The following MTMR6 variants were observed in gnomAD, a reference collection of about 807,000 sequenced individuals.
MTMR6 encodes the protein phosphatidylinositol-3,5-bisphosphate 3-phosphatase MTMR6.
Under a neutral mutation model 80.1 loss-of-function variants are expected in MTMR6, and 47 were observed. The ratio of observed to expected loss-of-function variants is 0.59; its 90% CI spans 0.46 to 0.75. The LOEUF is 0.75. Among genes scored for constraint, MTMR6 ranks in the 30% least tolerant of loss-of-function variants. The probability of loss-of-function intolerance (pLI) is 0.00; values close to 1 mark genes in which losing one functional copy is unlikely to be tolerated. For synonymous variants in MTMR6, 254 were observed against 253.0 expected (o/e 1.00, Z -0.04); for missense variants, 629 against 730.9 (o/e 0.86, Z 1.61).
intron 1 of MTMR6, 106 bp from the exon 2 acceptor site, chr13:25,274,293 A>T: frequency 1.6e-6 from 1 of 636,904 alleles, no homozygotes; most frequent in Non-Finnish European, 2.7e-6. Context: ...TTCCTCCTAA[A>T]ATCATAAGAG....
At chr13:25,261,399 T>C (rs1249201653) in intron 6 of MTMR6, among the ~76,000 whole-genome samples, 3 of 150,800 alleles carry the variant, frequency 2.0e-5, no homozygotes, top group Non-Finnish European at 3.0e-5. Flanking sequence ...ATAAGACTTA[T>C]ATACTAGCAA....
chr13:25,275,691 C>T (rs867102992), intron 1 of MTMR6, among the ~76,000 whole-genome samples: 1 of 151,804 alleles, frequency 6.6e-6, no homozygotes, highest in African/African-American at 2.4e-5. Flanking sequence ...GAAACCCCGT[C>T]TCTATCAAAA....
intron 2 of MTMR6, among the ~76,000 whole-genome samples, chr13:25,273,446 G>A (rs986815158): frequency 6.6e-6 from 1 of 151,416 alleles, no homozygotes; most frequent in African/African-American, 2.4e-5. Flanking sequence ...AAAACACTGT[G>A]GAATATACCA....
At chr13:25,284,443 A>T (rs1957917036) in intron 1 of MTMR6, among the ~76,000 whole-genome samples, 1 of 152,222 alleles carries the variant, frequency 6.6e-6, no homozygotes, top group African/African-American at 2.4e-5. Context: ...ATACAATTGT[A>T]CATATTATAA....
In MTMR6 at chr13:25,270,950, A is replaced by G. The variant is rs148144606; in HGVS notation, c.142-3009T>C. Among the ~76,000 whole-genome samples the G allele has an allele frequency of 6.1e-3, 931 of 152,264 alleles. 9 individuals carry two copies. The highest frequency in any genetic ancestry group is 0.021 in the African/African-American group (893 of 41,544). On this transcript the variant is annotated intron_variant, in intron 2 of 13. Transcript: ENST00000381801. ...ATGAGCAGCTATGATTTACGCCACT[A>G]CTATGTTTTACGCACAGATGTTTTT...
At chr13:25,270,962 G>A (rs564092276) in intron 2 of MTMR6, among the ~76,000 whole-genome samples, 3 of 152,144 alleles carry the variant, frequency 2.0e-5, no homozygotes, top group South Asian at 4.2e-4. Context: ...TATGTTTTAC[G>A]CACAGATGTT....
intron 1 of MTMR6, among the ~76,000 whole-genome samples, chr13:25,282,523 C>T (rs1440046713): frequency 6.6e-6 from 1 of 152,096 alleles, no homozygotes; most frequent in Non-Finnish European, 1.5e-5. Flanking sequence ...AGACTGTCAC[C>T]TTCCCATCTG....
chr13:25,287,290 A>G lies in MTMR6; in HGVS notation c.-43T>C. ...CGGCAGCCGGTCTCACAGGCGTACC[A>G]TACGGCTACAGAAACAGGGCGGTGA... On this transcript the variant is annotated 5_prime_UTR_variant, in exon 1 of 14. It removes an upstream start codon present in the reference 5' UTR. Coordinates refer to ENST00000381801, the MANE Select transcript of MTMR6 (RefSeq NM_004685.5). 1.3e-6 allele frequency: 2 copies of G among 1,574,972 alleles called. No individual in the cohort carries two copies. The highest frequency in any genetic ancestry group is 1.7e-6 in the Non-Finnish European group (2 of 1,163,764).
At chr13:25,252,968 TC>T (rs1957121920) in intron 11 of MTMR6, among the ~76,000 whole-genome samples, 1 of 152,174 alleles carries the variant, frequency 6.6e-6, no homozygotes, top group Admixed American at 6.5e-5. Context: ...CCTTAATATG[TC>T]CCTTGGATGT....
intron 7 of MTMR6, 55 bp from the exon 8 acceptor site, chr13:25,257,900 CT>C: frequency 3.9e-6 from 5 of 1,294,172 alleles, no homozygotes; most frequent in Non-Finnish European, 5.5e-6. Flanking sequence ...TTCTGCATTT[CT>C]TTTTTCAAGA....
intron 10 of MTMR6, 46 bp from the exon 11 acceptor site, chr13:25,254,010 T>C: frequency 6.3e-7 from 1 of 1,574,832 alleles, no homozygotes; most frequent in Non-Finnish European, 8.7e-7. Flanking sequence ...CTCTGAAAGG[T>C]CCATTGTTCA....
rs905308774 is a variant in MTMR6 at position 25,248,173 on chromosome 13, A to G, written c.*1059T>C. ...AAATGACTTCAAAATTCATGCAACC[A>G]TGCACAACCTAAACTATCTGTACTT... On this transcript the variant is annotated 3_prime_UTR_variant, in exon 14 of 14. Transcript: ENST00000381801. 2.6e-5 allele frequency: 4 copies of G among 152,136 alleles called. No individual in the cohort carries two copies. Among genetic ancestry groups the G allele is most frequent in the Admixed American group, 2.0e-4 (3 of 15,268 alleles). 9.4% of individuals were successfully genotyped at this position (152,136 alleles called of 1,614,324 possible).
intron 11 of MTMR6, 38 bp downstream of exon 11, chr13:25,253,726 A>G: frequency 6.4e-7 from 1 of 1,560,652 alleles, no homozygotes. Context: ...TCGGCTAAGT[A>G]GGGGGAAAAG....
Position 25,261,724 on chromosome 13 carries a change from T to C in MTMR6, c.670A>G (p.Ile224Val), listed in dbSNP as rs750041243. Residue 224 changes from isoleucine to valine, a missense_variant, in exon 6 of 14, where the codon ATT (isoleucine) becomes GTT (valine). Coordinates refer to ENST00000381801, the MANE Select transcript of MTMR6 (RefSeq NM_004685.5). ...CGATTGACTGGATTGGCTTTACTAATGGCTTGAAGCAAATGTTCATCCTCC... is the reference window on the plus strand; with the variant it reads ...CGATTGACTGGATTGGCTTTACTAACGGCTTGAAGCAAATGTTCATCCTCC... ...CLEDEHLLQA[I>V]SKANPVNRYM... 1.9e-6 allele frequency: 3 copies of C among 1,613,916 alleles called. No homozygotes were observed. The highest frequency in any genetic ancestry group is 2.5e-6 in the Non-Finnish European group (3 of 1,179,850).
At chr13:25,256,795 A>G (rs1461616753) in intron 9 of MTMR6, among the ~76,000 whole-genome samples, 2 of 152,210 alleles carry the variant, frequency 1.3e-5, no homozygotes, top group African/African-American at 2.4e-5. Context: ...AAGTACTCTT[A>G]TTTGTGCATT....
chr13:25,257,675 A>T, intron 8 of MTMR6, 61 bp downstream of exon 8: 1 of 1,215,294 alleles, frequency 8.2e-7, no homozygotes, highest in Non-Finnish European at 1.2e-6. Flanking sequence ...CCAACAGAAT[A>T]CATCTACTCC....
At chr13:25,257,395 G>T in intron 8 of MTMR6, 74 bp from the exon 9 acceptor site, 1 of 1,541,560 alleles carries the variant, frequency 6.5e-7, no homozygotes. Context: ...AATCATACTA[G>T]CAGGTATTGT....
chr13:25,275,004 ACACT>A, intron 1 of MTMR6, among the ~76,000 whole-genome samples: 1 of 148,590 alleles, frequency 6.7e-6, no homozygotes, highest in South Asian at 2.2e-4. Context: ...ACACACACAC[ACACT>A]ATGTTGCTGC....
intron 1 of MTMR6, among the ~76,000 whole-genome samples, chr13:25,285,372 A>G (rs1175344532): frequency 7.3e-6 from 1 of 136,346 alleles, no homozygotes; most frequent in African/African-American, 3.0e-5. Context: ...ACTTTTACTG[A>G]TTTTTTATTC....
Sources: allele counts gnomAD v4.1 joint callset (sites outside exome capture counted in the v4.1 genomes callset), GRCh38; gene constraint gnomAD v4.1.1; transcripts MANE v1.5; gene names NCBI Gene and HGNC (gene_info 2026-07-23, HGNC 2026-07-21).